RASGRP3: variants seen among roughly 807,000 people sequenced by gnomAD.
RASGRP3 encodes the protein ras guanyl-releasing protein 3.
In RASGRP3, 54 loss-of-function variants were observed where a neutral mutation model predicts 82.7. The observed-to-expected ratio is 0.65, with a 90% confidence interval of 0.52 to 0.82. The LOEUF (loss-of-function observed/expected upper bound fraction) is 0.82. Ranked by LOEUF, RASGRP3 falls within the 40% of genes least tolerant of loss-of-function variation. The pLI is 0.00. For missense variants in RASGRP3, 861 were observed against 828.9 expected (o/e 1.04, Z -0.48); for synonymous variants, 309 against 300.5 (o/e 1.03, Z -0.29).
At chr2:33,446,222 A>G (rs1479702689) in intron 1 of RASGRP3, among the ~76,000 whole-genome samples, 2 of 152,130 alleles carry the variant, frequency 1.3e-5, no homozygotes, top group African/African-American at 4.8e-5. Context: ...CAGTGGTGCA[A>G]TCTTTGGCTC....
intron 1 of RASGRP3, among the ~76,000 whole-genome samples, chr2:33,510,890 T>A (rs1408683112): frequency 6.6e-6 from 1 of 152,174 alleles, no homozygotes; most frequent in African/African-American, 2.4e-5. Flanking sequence ...TAATGAACAG[T>A]TACATGGAAT....
At chr2:33,541,037 G>A (rs1022661834) in intron 12 of RASGRP3, among the ~76,000 whole-genome samples, 4 of 146,448 alleles carry the variant, frequency 2.7e-5, no homozygotes, top group Admixed American at 1.4e-4. Flanking sequence ...AGAAACTACT[G>A]GGAATTAATT....
At chr2:33,482,759 T>C (rs1167873561) in intron 1 of RASGRP3, 2 of 152,226 alleles carry the variant, frequency 1.3e-5, no homozygotes, top group Non-Finnish European at 2.9e-5. Flanking sequence ...TAGCAGTGCA[T>C]GTTGCCTGAT....
chr2:33,518,644 A>T (rs1298873738), intron 4 of RASGRP3, among the ~76,000 whole-genome samples: 1 of 152,196 alleles, frequency 6.6e-6, no homozygotes, highest in East Asian at 1.9e-4. Context: ...ACACAAATAT[A>T]TTGCACTGCT....
At chr2:33,480,220 T>G (rs1305541169) in intron 1 of RASGRP3, among the ~76,000 whole-genome samples, 1 of 152,062 alleles carries the variant, frequency 6.6e-6, no homozygotes, top group African/African-American at 2.4e-5. Flanking sequence ...TTTTTTTGTA[T>G]TTTTAGTAGA....
At chr2:33,443,936 A>G (rs1479820100) in intron 1 of RASGRP3, among the ~76,000 whole-genome samples, 1 of 152,176 alleles carries the variant, frequency 6.6e-6, no homozygotes, top group Non-Finnish European at 1.5e-5. Flanking sequence ...TGTGACCTAC[A>G]TAGTTCATTT....
At chr2:33,489,872 T>C (rs1467178996) in intron 1 of RASGRP3, among the ~76,000 whole-genome samples, 2 of 152,210 alleles carry the variant, frequency 1.3e-5, no homozygotes, top group Admixed American at 6.5e-5. Flanking sequence ...AAGGGATCTT[T>C]AGGTCATAAG....
At chr2:33,468,433 G>A (rs768652770) in intron 2 of RASGRP3, among the ~76,000 whole-genome samples, 112 of 150,458 alleles carry the variant, frequency 7.4e-4, no homozygotes, top group Non-Finnish European at 1.4e-3. Context: ...ACGGAGTCTC[G>A]CTCTGTTGCC....
chr2:33,464,112 T>TAA (rs57157904), intron 2 of RASGRP3, among the ~76,000 whole-genome samples: 54,629 of 135,950 alleles, frequency 0.4, 11,072 homozygotes, highest in Middle Eastern at 0.46. Context: ...ATAATAATAA[T>TAA]TATTATTATT....
At chr2:33,551,234 AC>A (rs1167783240) in intron 14 of RASGRP3, among the ~76,000 whole-genome samples, 1 of 151,616 alleles carries the variant, frequency 6.6e-6, no homozygotes, top group Non-Finnish European at 1.5e-5. Flanking sequence ...AATCATTTGA[AC>A]CTGGGAGGCA....
chr2:33,483,586 T>G (rs956037429), intron 1 of RASGRP3, among the ~76,000 whole-genome samples: 4 of 150,496 alleles, frequency 2.7e-5, no homozygotes, highest in African/African-American at 9.8e-5. Context: ...TCTCCCGGGT[T>G]CAAGTGATTC....
chr2:33,506,243 C>A (rs552625577), intron 1 of RASGRP3, among the ~76,000 whole-genome samples: 4 of 152,150 alleles, frequency 2.6e-5, no homozygotes, highest in South Asian at 4.1e-4. Context: ...GAATAACAAA[C>A]CTTTGTTCTG....
intron 2 of RASGRP3, among the ~76,000 whole-genome samples, chr2:33,467,068 C>CTG (rs1553336836): frequency 1.1e-4 from 16 of 150,544 alleles, no homozygotes; most frequent in Admixed American, 3.3e-4. Context: ...AACATACTAA[C>CTG]TATATATATA....
At chr2:33,551,085 AGCAGATC>A (rs1381681046) in intron 14 of RASGRP3, among the ~76,000 whole-genome samples, 1 of 152,084 alleles carries the variant, frequency 6.6e-6, no homozygotes, top group Admixed American at 6.5e-5. Context: ...GGCCAAGGCA[AGCAGATC>A]ACCTGAGGTC....
intron 1 of RASGRP3, among the ~76,000 whole-genome samples, chr2:33,441,002 T>C (rs1341007735): frequency 6.6e-6 from 1 of 152,092 alleles, no homozygotes; most frequent in Non-Finnish European, 1.5e-5. Context: ...AAGTGATCCT[T>C]GTGCCTCGGC....
chr2:33,548,309 C>G (rs555185857), intron 13 of RASGRP3, among the ~76,000 whole-genome samples: 1 of 132,268 alleles, frequency 7.6e-6, no homozygotes, highest in Non-Finnish European at 1.5e-5. Context: ...TGCAGTGAGC[C>G]GAGATTGTGC....
chr2:33,539,275 G>A, intron 12 of RASGRP3, 65 bp downstream of exon 12: 1 of 1,312,160 alleles, frequency 7.6e-7, no homozygotes, highest in Non-Finnish European at 1.1e-6. Flanking sequence ...AGAATGTTCT[G>A]CGATTGTCCA....
rs377644604 is a variant in RASGRP3, at chr2:33,558,889, T to C, written c.1923T>C (p.His641=). The C allele has an allele frequency of 5.0e-6, 8 of 1,613,878 alleles. No homozygotes were observed. The highest frequency in any genetic ancestry group is 6.8e-6 in the Non-Finnish European group (8 of 1,179,894). ...TCCCTAAAATGAAATCCAAGTTCCA[T>C]GACAAAGCAGCAAAGGACAAAGGCT... ...HTFPKMKSKF[H]DKAAKDKGFA... Residue 641 remains histidine, a synonymous_variant, in exon 17 of 18, where the codon CAT becomes CAC. Transcript: ENST00000403687.
At chr2:33,540,531 C>G (rs1235781030) in intron 12 of RASGRP3, among the ~76,000 whole-genome samples, 7 of 96,154 alleles carry the variant, frequency 7.3e-5, no homozygotes, top group African/African-American at 2.7e-4. Flanking sequence ...ATTTCTCTCT[C>G]TCTCTCTCTC....
Sources: allele counts gnomAD v4.1 joint callset (sites outside exome capture counted in the v4.1 genomes callset), GRCh38; gene constraint gnomAD v4.1.1; transcripts MANE v1.5; gene names NCBI Gene and HGNC (gene_info 2026-07-23, HGNC 2026-07-21).